Variants in ELP4 observed in about 807,000 individuals in gnomAD.
The protein encoded by ELP4 is elongator complex protein 4.
Under a neutral mutation model 48.9 loss-of-function variants are expected in ELP4, and 51 were observed. The observed-to-expected ratio is 1.04, with a 90% confidence interval of 0.83 to 1.32. The LOEUF (loss-of-function observed/expected upper bound fraction) is 1.32, where lower values mean the gene tolerates loss of function less well. Ranked by LOEUF, ELP4 falls within the 40% of genes most tolerant of loss-of-function variation. ELP4 has a pLI of 0.00. For missense variants in ELP4, 519 were observed against 514.6 expected (o/e 1.01, Z -0.08); for synonymous variants, 210 against 189.2 (o/e 1.11, Z -0.90).
At chr11:31,559,035 G>A (rs1041944303) in intron 3 of ELP4, among the ~76,000 whole-genome samples, 1 of 152,064 alleles carries the variant, frequency 6.6e-6, no homozygotes, top group Non-Finnish European at 1.5e-5. Flanking sequence ...AATACATTTT[G>A]TCAGCTCCCC....
chr11:31,718,997 A>C (rs184008422), intron 9 of ELP4, among the ~76,000 whole-genome samples: 1 of 152,234 alleles, frequency 6.6e-6, no homozygotes, highest in East Asian at 1.9e-4. Context: ...AGTGGCTCAC[A>C]CCTGTAATCC....
At chr11:31,712,408 G>C (rs1946760901) in intron 9 of ELP4, among the ~76,000 whole-genome samples, 1 of 152,044 alleles carries the variant, frequency 6.6e-6, no homozygotes, top group Non-Finnish European at 1.5e-5. Flanking sequence ...GTAACCAGAG[G>C]TAAGTTTGAG....
intron 9 of ELP4, among the ~76,000 whole-genome samples, chr11:31,656,831 T>C (rs909904278): frequency 2.6e-5 from 4 of 152,084 alleles, no homozygotes; most frequent in African/African-American, 9.7e-5. Flanking sequence ...ATGTGTTTTA[T>C]GGTTTGGCTC....
At chr11:31,652,815 A>G (rs1457877252) in intron 9 of ELP4, 1 of 151,712 alleles carries the variant, frequency 6.6e-6, no homozygotes, top group Non-Finnish European at 1.5e-5. Flanking sequence ...CAGATTTGTT[A>G]CATGTTGGAA....
intron 7 of ELP4, among the ~76,000 whole-genome samples, chr11:31,645,301 T>C (rs1013549218): frequency 6.6e-6 from 1 of 151,780 alleles, no homozygotes; most frequent in Non-Finnish European, 1.5e-5. Context: ...GGATAACTGA[T>C]TTTTTTAAAT....
chr11:31,665,585 T>G (rs998304885), intron 9 of ELP4, among the ~76,000 whole-genome samples: 1 of 151,894 alleles, frequency 6.6e-6, no homozygotes, highest in South Asian at 2.1e-4. Flanking sequence ...TATTAGTATT[T>G]GACTCTTGCC....
intron 9 of ELP4, among the ~76,000 whole-genome samples, chr11:31,746,968 T>C (rs1272253495): frequency 6.6e-6 from 1 of 152,048 alleles, no homozygotes; most frequent in South Asian, 2.1e-4. Context: ...GGGAAGCATA[T>C]GATAGATTTT....
At chr11:31,678,306 A>G (rs1035248485) in intron 9 of ELP4, among the ~76,000 whole-genome samples, 1 of 152,008 alleles carries the variant, frequency 6.6e-6, no homozygotes, top group African/African-American at 2.4e-5. Context: ...AAAATTAGCC[A>G]GGTATGGTGG....
intron 9 of ELP4, among the ~76,000 whole-genome samples, chr11:31,781,560 A>G (rs1190462978): frequency 8.1e-6 from 1 of 123,526 alleles, no homozygotes; most frequent in African/African-American, 3.2e-5. Context: ...GTGCTGTGGC[A>G]CGATCTCGGT....
intron 9 of ELP4, among the ~76,000 whole-genome samples, chr11:31,771,350 T>G (rs1346334895): frequency 2.0e-5 from 3 of 152,126 alleles, no homozygotes; most frequent in Admixed American, 2.0e-4. Flanking sequence ...TTTTTTTTTC[T>G]ATTATTGCAA....
chr11:31,571,471 G>C (rs887823164), intron 3 of ELP4, among the ~76,000 whole-genome samples: 3 of 152,102 alleles, frequency 2.0e-5, no homozygotes, highest in African/African-American at 7.2e-5. Flanking sequence ...CATGAGGATT[G>C]GAATCAACTT....
At chr11:31,643,311 T>G (rs965208438) in intron 7 of ELP4, among the ~76,000 whole-genome samples, 2 of 151,826 alleles carry the variant, frequency 1.3e-5, no homozygotes, top group Non-Finnish European at 2.9e-5. Context: ...TCTTAAATAG[T>G]ATAGAGTAAC....
chr11:31,577,112 G>A (rs80170532), intron 3 of ELP4, among the ~76,000 whole-genome samples: 40 of 152,150 alleles, frequency 2.6e-4, no homozygotes, highest in Admixed American at 5.2e-4. Context: ...TATCACCACC[G>A]ATCCCACAGA....
chr11:31,518,853 G>A (rs1352925460), intron 1 of ELP4, among the ~76,000 whole-genome samples: 2 of 140,808 alleles, frequency 1.4e-5, no homozygotes, highest in Admixed American at 1.5e-4. Flanking sequence ...CCGAGATTGT[G>A]CCAATGCACT....
intron 9 of ELP4, among the ~76,000 whole-genome samples, chr11:31,760,624 G>A (rs943011918): frequency 3.3e-5 from 5 of 152,204 alleles, no homozygotes; most frequent in African/African-American, 1.2e-4. Flanking sequence ...AAGTTAAATA[G>A]CATATTTCAC....
At chr11:31,746,817 A>G (rs1279843725) in intron 9 of ELP4, among the ~76,000 whole-genome samples, 1 of 152,166 alleles carries the variant, frequency 6.6e-6, no homozygotes, top group Non-Finnish European at 1.5e-5. Flanking sequence ...GCAGCACACC[A>G]ACATGGCACA....
chr11:31,651,560 A>G (rs1012794074), intron 9 of ELP4: 1 of 151,782 alleles, frequency 6.6e-6, no homozygotes, highest in Non-Finnish European at 1.5e-5. Context: ...TTGTTCAAAC[A>G]TTGTTTCAGC....
chr11:31,610,696 C>G (rs1957963454), intron 5 of ELP4, among the ~76,000 whole-genome samples: 1 of 152,204 alleles, frequency 6.6e-6, no homozygotes, highest in Non-Finnish European at 1.5e-5. Flanking sequence ...GCATGTTTGC[C>G]TTGTTTTTAC....
At chr11:31,627,930 A>G (rs1410943170) in intron 6 of ELP4, among the ~76,000 whole-genome samples, 1 of 152,110 alleles carries the variant, frequency 6.6e-6, no homozygotes, top group Non-Finnish European at 1.5e-5. Flanking sequence ...TTTTGGCACT[A>G]TCAGCTACAT....
Sources: gnomAD v4.1 joint callset for allele counts (sites outside exome capture counted in the v4.1 genomes callset) on GRCh38, gnomAD v4.1.1 for gene constraint, MANE v1.5 for transcripts, NCBI Gene and HGNC (gene_info 2026-07-23, HGNC 2026-07-21) for gene names.